Variants in CCDC157 observed in about 807,000 individuals in gnomAD.
The protein encoded by CCDC157 is coiled-coil domain-containing protein 157.
CCDC157 carries 60 observed loss-of-function variants against 70.9 expected under a neutral mutation model. That is an observed-to-expected ratio of 0.85 (90% CI 0.69 to 1.05). The LOEUF is 1.05. Ranked by LOEUF, CCDC157 falls within the 50% of genes least tolerant of loss-of-function variation. The probability of loss-of-function intolerance (pLI) is 0.00; values close to 1 mark genes in which losing one functional copy is unlikely to be tolerated. For missense variants in CCDC157, 943 were observed against 984.2 expected (o/e 0.96, Z 0.56); for synonymous variants, 373 against 422.4 (o/e 0.88, Z 1.43).
rs892867552 is a variant in CCDC157, at chr22:30,377,157, G to C, written c.*412G>C. 2 of 214,962 alleles carry C rather than the reference G, an allele frequency of 9.3e-6. No individual in the cohort carries two copies. The highest frequency in any genetic ancestry group is 5.1e-5 in the Admixed American group (1 of 19,576). The allele number at this position is 214,962 out of a possible 1,614,324, so 13.3% of individuals were successfully genotyped here. ...GTGGGAGTGGACAGAGGAAGGGCCG[G>C]TGAGGATGTCTGAAGCAGGCAGAGG... is the stretch of plus-strand genomic sequence containing the variant. On this transcript the variant is annotated 3_prime_UTR_variant, in exon 12 of 12. Coordinates refer to ENST00000338306, the MANE Select transcript of CCDC157 (RefSeq NM_001017437.5).
chr22:30,360,883 T>C (rs369219857), intron 1 of CCDC157, among the ~76,000 whole-genome samples: 27 of 151,850 alleles, frequency 1.8e-4, no homozygotes, highest in African/African-American at 6.5e-4. Flanking sequence ...CCATCTCTAA[T>C]AAAAAATACA....
At chr22:30,374,566 C>G (rs1217714400) in intron 9 of CCDC157, 1 of 458,024 alleles carries the variant, frequency 2.2e-6, no homozygotes, top group Admixed American at 2.3e-5. Flanking sequence ...ATCAGGTGAC[C>G]TGGGTTCTCC....
At chr22:30,374,954 C>CTTTTTTTT (rs10611353) in intron 9 of CCDC157, 1 of 201,728 alleles carries the variant, frequency 5.0e-6, no homozygotes, top group Non-Finnish European at 9.0e-6. Flanking sequence ...TTTGCTAAGT[C>CTTTTTTTT]TTTTTTTTTT....
rs1932890895 is a variant in CCDC157, at chr22:30,370,556, C to A, written c.651C>A (p.Ala217=). The change falls in exon 5 of 12, where the codon GCC becomes GCA. Residue 217 remains alanine (A), a synonymous_variant. Coordinates refer to ENST00000338306, the MANE Select transcript of CCDC157 (RefSeq NM_001017437.5). ...TCCACTCCCAGACCATTGAGACGGC[C>A]CTGGTGCCCTGTGACGCATGCGCCA... ...RSVHSQTIET[A]LVPCDACASV... 6.2e-7 allele frequency: 1 copy of A among 1,614,070 alleles called. No individual in the cohort carries two copies. The highest frequency in any genetic ancestry group is 1.3e-5 in the African/African-American group (1 of 75,056).
chr22:30,369,435 C>G lies in CCDC157; in HGVS notation c.252C>G (p.Leu84=). ...AACCTAGCATCTCTGCCCGCAGGCTCCTGCTGCTGCTTCAAAGCTGTATGA... is the reference window on the plus strand; with the variant it reads ...AACCTAGCATCTCTGCCCGCAGGCTGCTGCTGCTGCTTCAAAGCTGTATGA... ...AVLLELVIDR[L]LLLLQSCMSY... is the part of the protein sequence containing the mutation. The change falls in exon 4 of 12, where the codon CTC becomes CTG. Residue 84 remains leucine (L), a synonymous_variant. Coordinates refer to ENST00000338306, the MANE Select transcript of CCDC157 (RefSeq NM_001017437.5). 6.6e-7 allele frequency: 1 copy of G among 1,519,886 alleles called. No individual in the cohort carries two copies. Among genetic ancestry groups the G allele is most frequent in the Non-Finnish European group, 8.9e-7 (1 of 1,127,764 alleles). 94.1% of individuals were successfully genotyped at this position (1,519,886 alleles called of 1,614,324 possible).
chr22:30,371,628 G>A (rs1569190030), intron 5 of CCDC157, 22 bp from the exon 6 acceptor site: 1 of 1,602,754 alleles, frequency 6.2e-7, no homozygotes, highest in South Asian at 1.1e-5. Flanking sequence ...CCTCTGAAGG[G>A]CCTCTCTCTT....
intron 1 of CCDC157, among the ~76,000 whole-genome samples, chr22:30,360,492 G>A (rs4820836): frequency 0.2 from 30,445 of 151,284 alleles, 3,341 homozygotes; most frequent in Middle Eastern, 0.36. Context: ...GCGACAGAGC[G>A]AGACTCCGTC....
intron 10 of CCDC157, 67 bp from the exon 11 acceptor site, chr22:30,376,192 C>A: frequency 6.9e-7 from 1 of 1,446,272 alleles, no homozygotes; most frequent in South Asian, 1.2e-5. Context: ...GCTACGACAC[C>A]CTCTCTGTAC....
intron 2 of CCDC157, among the ~76,000 whole-genome samples, chr22:30,364,265 G>T (rs778078279): frequency 1.3e-5 from 2 of 151,876 alleles, no homozygotes; most frequent in Non-Finnish European, 1.5e-5. Flanking sequence ...TTAAGTCCAG[G>T]AGGTTGAAGC....
chr22:30,370,615 T>C lies in CCDC157; in HGVS notation c.710T>C (p.Val237Ala), dbSNP rs746219940. Residue 237 changes from valine (V) to alanine (A), a missense_variant, in exon 5 of 12, where the codon GTG (valine) becomes GCG (alanine). Coordinates refer to ENST00000338306, the MANE Select transcript of CCDC157 (RefSeq NM_001017437.5). ...GGAAGCCTGCAGAAGGTGGGCAAGG[T>C]GGTCATCAGCCTGTGTCAGAGCCAG... ...VQGSLQKVGK[V>A]VISLCQSQNL... The C allele has an allele frequency of 3.1e-6, 5 of 1,613,806 alleles. No individual in the cohort carries two copies. In the South Asian group the frequency reaches 3.3e-5, roughly 11 times the overall value.
intron 3 of CCDC157, chr22:30,369,060 A>G (rs372706278): frequency 5.6e-5 from 9 of 159,432 alleles, no homozygotes; most frequent in African/African-American, 2.2e-4. Flanking sequence ...TCTGTCATCT[A>G]TCAAGTGGAG....
chr22:30,371,005 G>A, intron 5 of CCDC157, 55 bp downstream of exon 5: 1 of 1,536,906 alleles, frequency 6.5e-7, no homozygotes, highest in African/African-American at 1.4e-5. Flanking sequence ...CACAGCCTTT[G>A]CATGGATGTT....
chr22:30,363,764 C>T (rs1232287888), intron 2 of CCDC157, among the ~76,000 whole-genome samples: 1 of 146,926 alleles, frequency 6.8e-6, no homozygotes, highest in Non-Finnish European at 1.5e-5. Context: ...TCTCGGCTCA[C>T]TGCAACCTCC....
In CCDC157 at chr22:30,373,751, T is replaced by C. The variant is rs1255897631; in HGVS notation, c.1490T>C (p.Leu497Pro). The change falls in exon 8 of 12, where the codon CTC becomes CCC. Residue 497 changes from leucine (L) to proline (P), a missense_variant. Physicochemically the swap from Leu to Pro is moderately conservative, Grantham distance 98 (BLOSUM62 -3). Transcript: ENST00000338306. The part of the protein sequence containing the change: ...QSEREQGQCQ[L>P]RAQQELLQSL... ...GAGCGGGAGCAGGGGCAATGCCAGCTCAGGGCCCAGCAGGTGAGGGTGGGG... is the reference window on the plus strand; with the variant it reads ...GAGCGGGAGCAGGGGCAATGCCAGCCCAGGGCCCAGCAGGTGAGGGTGGGG... 1.9e-6 allele frequency: 3 copies of C among 1,553,218 alleles called. No homozygotes were observed. Among genetic ancestry groups the C allele is most frequent in the African/African-American group, 2.7e-5 (2 of 73,322 alleles).
At chr22:30,359,488 T>G (rs759877425) in intron 1 of CCDC157, among the ~76,000 whole-genome samples, 2 of 152,234 alleles carry the variant, frequency 1.3e-5, no homozygotes, top group Non-Finnish European at 2.9e-5. Flanking sequence ...GCTGTGTTCC[T>G]GGTCTTGACG....
At chr22:30,369,820 C>A (rs905167192) in intron 4 of CCDC157, 13 of 476,798 alleles carry the variant, frequency 2.7e-5, no homozygotes, top group Non-Finnish European at 4.4e-5. Context: ...GCTCTGACAT[C>A]CCTGTGGGAC....
chr22:30,373,245 G>A, intron 7 of CCDC157: 1 of 254,118 alleles, frequency 3.9e-6, no homozygotes, highest in South Asian at 5.2e-5. Flanking sequence ...TGTGACACTG[G>A]AGACCCGAGG....
chr22:30,373,297 T>G, intron 7 of CCDC157: 1 of 350,564 alleles, frequency 2.9e-6, no homozygotes, highest in Non-Finnish European at 5.3e-6. Flanking sequence ...CCAAGTGGGG[T>G]CTGTGTATGA....
At chr22:30,356,848 C>G, upstream of CCDC157, 1 of 1,268,954 alleles carries the variant, frequency 7.9e-7, no homozygotes, top group Non-Finnish European at 1.0e-6. Context: ...GGTGCCGCCT[C>G]AAGACAGCCT....
Sources: allele counts gnomAD v4.1 joint callset (sites outside exome capture counted in the v4.1 genomes callset), GRCh38; gene constraint gnomAD v4.1.1; transcripts MANE v1.5; gene names NCBI Gene and HGNC (gene_info 2026-07-23, HGNC 2026-07-21).